The following NKAIN2 variants were observed in gnomAD, a reference collection of about 807,000 sequenced individuals.
NKAIN2 encodes sodium/potassium transporting ATPase interacting 2, also known as sodium/potassium-transporting ATPase subunit beta-1-interacting protein 2.
A neutral mutation model predicts 32.6 loss-of-function variants in NKAIN2; 14 were observed. The ratio of observed to expected loss-of-function variants is 0.43; its 90% confidence interval spans 0.28 to 0.67. NKAIN2 has a LOEUF of 0.67. Among genes scored for constraint, NKAIN2 ranks in the 30% least tolerant of loss-of-function variants. The pLI, the probability that NKAIN2 is intolerant of heterozygous loss-of-function variation, is 0.17. For synonymous variants in NKAIN2, 80 were observed against 87.2 expected, an observed-to-expected ratio of 0.92 and a Z score of 0.46; for missense variants, 198 against 258.3, an observed-to-expected ratio of 0.77 and a Z score of 1.60.
intron 4 of NKAIN2, among the ~76,000 whole-genome samples, chr6:124,773,254 C>A (rs1583836449): frequency 6.6e-6 from 1 of 151,836 alleles, no homozygotes; most frequent in East Asian, 1.9e-4. Flanking sequence ...ACACAAAGAG[C>A]AAGTGTAGAA....
At chr6:124,699,304 G>A (rs1583668058) in intron 4 of NKAIN2, among the ~76,000 whole-genome samples, 1 of 152,166 alleles carries the variant, frequency 6.6e-6, no homozygotes, top group East Asian at 1.9e-4. Context: ...TGATGGCCCT[G>A]CCATATACTT....
chr6:124,573,083 G>A (rs113100654), intron 3 of NKAIN2, among the ~76,000 whole-genome samples: 3 of 151,852 alleles, frequency 2.0e-5, no homozygotes, highest in Non-Finnish European at 2.9e-5. Context: ...CAGGTGATCC[G>A]CCCACCCCGG....
intron 1 of NKAIN2, among the ~76,000 whole-genome samples, chr6:123,909,956 A>G (rs1055275259): frequency 3.3e-5 from 5 of 152,156 alleles, no homozygotes; most frequent in Non-Finnish European, 7.3e-5. Context: ...TCTAGGCTGA[A>G]GTGAAATTTA....
chr6:123,873,002 T>C (rs970302643), intron 1 of NKAIN2, among the ~76,000 whole-genome samples: 4 of 152,226 alleles, frequency 2.6e-5, no homozygotes, highest in Non-Finnish European at 4.4e-5. Flanking sequence ...TGCTAGGCAC[T>C]ATTTTTGTTG....
chr6:123,807,154 T>C (rs1582561293), intron 1 of NKAIN2, among the ~76,000 whole-genome samples: 2 of 152,048 alleles, frequency 1.3e-5, no homozygotes, highest in African/African-American at 2.4e-5. Flanking sequence ...GATAAACATA[T>C]ACTCTTCTCA....
intron 1 of NKAIN2, among the ~76,000 whole-genome samples, chr6:124,199,152 T>G (rs1790481689): frequency 6.6e-6 from 1 of 152,206 alleles, no homozygotes; most frequent in Non-Finnish European, 1.5e-5. Context: ...GACGACAGGA[T>G]TTTGCTTGGC....
At chr6:124,356,212 C>T (rs1798965338) in intron 3 of NKAIN2, among the ~76,000 whole-genome samples, 1 of 152,008 alleles carries the variant, frequency 6.6e-6, no homozygotes, top group Non-Finnish European at 1.5e-5. Context: ...ACCAAGAGAG[C>T]TAAAAAAAAT....
At chr6:123,938,445 T>G (rs1270519117) in intron 1 of NKAIN2, among the ~76,000 whole-genome samples, 1 of 46,242 alleles carries the variant, frequency 2.2e-5, no homozygotes, top group Admixed American at 2.6e-4. Context: ...TATATATATA[T>G]ATATATACAC....
intron 3 of NKAIN2, among the ~76,000 whole-genome samples, chr6:124,429,745 T>G (rs1775132786): frequency 6.6e-6 from 1 of 152,188 alleles, no homozygotes; most frequent in Non-Finnish European, 1.5e-5. Context: ...GTGCTGGCAC[T>G]GGTGACACAG....
chr6:124,312,922 A>T (rs1796783845), intron 2 of NKAIN2, among the ~76,000 whole-genome samples: 1 of 152,140 alleles, frequency 6.6e-6, no homozygotes, highest in African/African-American at 2.4e-5. Flanking sequence ...GCGGGAGGAA[A>T]TTAGAGTCAC....
chr6:124,193,589 T>A (rs1032184965), intron 1 of NKAIN2, among the ~76,000 whole-genome samples: 4 of 152,146 alleles, frequency 2.6e-5, no homozygotes, highest in African/African-American at 9.7e-5. Flanking sequence ...TCTCTCCTTG[T>A]CACCCGCAAC....
chr6:123,868,902 T>C lies in NKAIN2; in HGVS notation c.54+64648T>C, dbSNP rs375513713. On this transcript the variant is annotated intron_variant, in intron 1 of 6. Coordinates refer to ENST00000368417, the MANE Select transcript of NKAIN2 (RefSeq NM_001040214.3). ...TTTATATTTTAGAGATGGTGAATACTTTTTTAAAAAGAAAGAGGATAAGCA... is the reference window on the plus strand; with the variant it reads ...TTTATATTTTAGAGATGGTGAATACCTTTTTAAAAAGAAAGAGGATAAGCA... Among the ~76,000 whole-genome samples, 3 of 152,288 alleles carry C rather than the reference T, an allele frequency of 2.0e-5. No homozygotes were observed. In the East Asian group the frequency reaches 5.8e-4, roughly 29 times the overall value.
At chr6:124,013,080 T>TAACG (rs1337757752) in intron 1 of NKAIN2, among the ~76,000 whole-genome samples, 2 of 152,214 alleles carry the variant, frequency 1.3e-5, no homozygotes, top group Non-Finnish European at 2.9e-5. Context: ...CCTTAATAAC[T>TAACG]AACGATGATG....
At chr6:124,638,887 CAAAAAAAAAAA>C (rs35802663) in intron 3 of NKAIN2, among the ~76,000 whole-genome samples, 3 of 82,624 alleles carry the variant, frequency 3.6e-5, no homozygotes, top group South Asian at 4.3e-4. Context: ...GAGACTCTGT[CAAAAAAAAAAA>C]AAAAAAAAAA....
chr6:124,227,204 C>G (rs1355104573), intron 1 of NKAIN2, among the ~76,000 whole-genome samples: 2 of 151,770 alleles, frequency 1.3e-5, no homozygotes, highest in Admixed American at 6.6e-5. Context: ...CTGTTTGGAT[C>G]CCTTTCATGT....
At chr6:124,289,649 TA>T (rs1795711876) in intron 2 of NKAIN2, among the ~76,000 whole-genome samples, 1 of 152,206 alleles carries the variant, frequency 6.6e-6, no homozygotes, top group South Asian at 2.1e-4. Context: ...ATTTGATTTT[TA>T]ATTGTCCATG....
intron 1 of NKAIN2, among the ~76,000 whole-genome samples, chr6:124,254,694 G>A (rs1257999890): frequency 1.3e-5 from 2 of 151,984 alleles, no homozygotes; most frequent in Non-Finnish European, 2.9e-5. Context: ...AAAATTTGAT[G>A]GTAGTTTCCT....
chr6:123,982,998 A>G (rs1040124775), intron 1 of NKAIN2, among the ~76,000 whole-genome samples: 1 of 28,434 alleles, frequency 3.5e-5, no homozygotes, highest in Non-Finnish European at 7.2e-5. Context: ...CCCGCCCCCA[A>G]CCTTTTTCCT....
At chr6:124,597,723 G>A (rs1253498904) in intron 3 of NKAIN2, among the ~76,000 whole-genome samples, 3 of 152,076 alleles carry the variant, frequency 2.0e-5, no homozygotes, top group African/African-American at 7.2e-5. Flanking sequence ...TAGTTCAGAG[G>A]AAAATTATAG....
Sources: allele counts gnomAD v4.1 joint callset (sites outside exome capture counted in the v4.1 genomes callset), GRCh38; gene constraint gnomAD v4.1.1; transcripts MANE v1.5; gene names NCBI Gene and HGNC (gene_info 2026-07-23, HGNC 2026-07-21).